PCDH9: variants seen among roughly 807,000 people sequenced by gnomAD.
The protein encoded by PCDH9 is protocadherin 9.
In PCDH9, 24 loss-of-function variants were observed where a neutral mutation model predicts 70.6. That is an observed-to-expected ratio of 0.34 (90% CI 0.25 to 0.48). The LOEUF (loss-of-function observed/expected upper bound fraction) is 0.48. Ranked by LOEUF, PCDH9 falls within the 20% of genes least tolerant of loss-of-function variation. PCDH9 has a pLI of 0.99. For missense variants in PCDH9, 1,281 were observed against 1,503.6 expected (o/e 0.85, Z 2.45); for synonymous variants, 562 against 558.5 (o/e 1.01, Z -0.09).
rs1328436866 is a variant in PCDH9 at position 66,596,877 on chromosome 13, CT to C, written c.3340+34332del. On this transcript the variant is annotated intron_variant, in intron 4 of 4. Coordinates refer to ENST00000377865, the MANE Select transcript of PCDH9 (RefSeq NM_203487.3). The stretch of plus-strand genomic sequence containing the variant: ...TGTGCTGTAGCAGAACATGGCTATT[CT>C]TTTTTTTTTTTTATTCTAAAAAGTT... Among the ~76,000 whole-genome samples, 946 of 136,284 alleles carry C rather than the reference CT, an allele frequency of 6.9e-3. 3 individuals carry two copies. Among genetic ancestry groups the C allele is most frequent in the East Asian group, 0.034 (159 of 4,654 alleles). The allele number at this position is 136,284 out of a possible 152,430, so 89.4% of individuals were successfully genotyped here. A position where few individuals can be genotyped will look rare whatever the true frequency, so the allele number is the denominator to read the frequency against.
chr13:66,823,281 T>C (rs1170625769), intron 3 of PCDH9, among the ~76,000 whole-genome samples: 1 of 151,990 alleles, frequency 6.6e-6, no homozygotes, highest in Non-Finnish European at 1.5e-5. Context: ...AGTGTAAGAA[T>C]TGCCTTTTTG....
chr13:66,871,680 C>T (rs1360857744), intron 3 of PCDH9, among the ~76,000 whole-genome samples: 3 of 152,066 alleles, frequency 2.0e-5, no homozygotes, highest in African/African-American at 7.2e-5. Context: ...TTCTACCGTA[C>T]ATGTATGGCA....
intron 4 of PCDH9, among the ~76,000 whole-genome samples, chr13:66,370,912 A>G (rs1271357517): frequency 2.0e-5 from 3 of 152,122 alleles, no homozygotes. Flanking sequence ...TTTGAATTTA[A>G]GAATTAAAGT....
intron 2 of PCDH9, among the ~76,000 whole-genome samples, chr13:67,110,207 A>AAAAAAAC (rs1555308217): frequency 2.6e-5 from 4 of 151,994 alleles, no homozygotes; most frequent in Admixed American, 2.6e-4. Context: ...AAAATTTAAA[A>AAAAAAAC]AAAAAACAAA....
intron 2 of PCDH9, among the ~76,000 whole-genome samples, chr13:67,058,955 T>A (rs1243039328): frequency 3.9e-5 from 6 of 152,086 alleles, no homozygotes; most frequent in African/African-American, 1.4e-4. Context: ...GGCATTTTAG[T>A]AGATAACCAC....
At chr13:67,087,135 T>C (rs939209821) in intron 2 of PCDH9, among the ~76,000 whole-genome samples, 1 of 151,144 alleles carries the variant, frequency 6.6e-6, no homozygotes, top group Non-Finnish European at 1.5e-5. Flanking sequence ...ACAGTTGTAA[T>C]TTTCCCCATT....
At chr13:66,559,845 C>CACAA (rs1961930735) in intron 4 of PCDH9, among the ~76,000 whole-genome samples, 1 of 144,148 alleles carries the variant, frequency 6.9e-6, no homozygotes, top group African/African-American at 2.6e-5. Flanking sequence ...CACACACACA[C>CACAA]ACACACACAC....
intron 2 of PCDH9, among the ~76,000 whole-genome samples, chr13:67,093,985 C>A (rs923857414): frequency 6.6e-6 from 1 of 152,234 alleles, no homozygotes; most frequent in South Asian, 2.1e-4. Flanking sequence ...GAATTTTCTA[C>A]TCTTCTTTTC....
chr13:66,547,867 A>G (rs928583331), intron 4 of PCDH9, among the ~76,000 whole-genome samples: 5 of 146,706 alleles, frequency 3.4e-5, no homozygotes, highest in African/African-American at 1.2e-4. Flanking sequence ...TAATTATATT[A>G]TTATATAATA....
intron 4 of PCDH9, among the ~76,000 whole-genome samples, chr13:66,484,887 T>A (rs953996377): frequency 2.0e-5 from 3 of 152,212 alleles, no homozygotes; most frequent in African/African-American, 7.2e-5. Context: ...TAAGAGTGCT[T>A]TGTAAAATGA....
chr13:66,437,765 A>G (rs939986543), intron 4 of PCDH9, among the ~76,000 whole-genome samples: 7 of 152,078 alleles, frequency 4.6e-5, no homozygotes, highest in African/African-American at 1.7e-4. Context: ...AAAAAAATGC[A>G]TGTCTTATGC....
intron 2 of PCDH9, among the ~76,000 whole-genome samples, chr13:67,173,059 T>C (rs896056120): frequency 2.0e-5 from 3 of 152,090 alleles, no homozygotes; most frequent in African/African-American, 7.2e-5. Context: ...GGAACTCTGT[T>C]TCTTACAGCT....
In PCDH9 at chr13:66,596,439, C is replaced by T. The variant is rs1322620822; in HGVS notation, c.3340+34771G>A. On this transcript the variant is annotated intron_variant, in intron 4 of 4. Transcript: ENST00000377865. ...GCTTGTGTGCATATAAATGCATATT[C>T]ACACAAGTATATAAGAATGCATGTA... is the stretch of plus-strand genomic sequence containing the variant. Among the ~76,000 whole-genome samples the T allele has an allele frequency of 2.6e-5, 4 of 151,748 alleles. No individual in the cohort carries two copies. The East Asian group carries it at 7.8e-4, about 30-fold the overall frequency.
At chr13:66,595,199 T>C (rs2077087878) in intron 4 of PCDH9, among the ~76,000 whole-genome samples, 1 of 149,402 alleles carries the variant, frequency 6.7e-6, no homozygotes, top group Admixed American at 6.7e-5. Flanking sequence ...AGAGAAAGCA[T>C]TTTTTTTTCC....
At chr13:66,549,220 G>A in intron 4 of PCDH9, among the ~76,000 whole-genome samples, 1 of 152,082 alleles carries the variant, frequency 6.6e-6, no homozygotes, top group East Asian at 1.9e-4. Flanking sequence ...TAAACCGTAT[G>A]TATATGTTAG....
intron 3 of PCDH9, among the ~76,000 whole-genome samples, chr13:66,862,684 G>C (rs1014304004): frequency 6.6e-6 from 1 of 152,096 alleles, no homozygotes; most frequent in African/African-American, 2.4e-5. Flanking sequence ...CTAAGGAAAT[G>C]AAGTCCATTT....
At chr13:66,961,562 G>A (rs1162878225) in intron 2 of PCDH9, among the ~76,000 whole-genome samples, 1 of 152,172 alleles carries the variant, frequency 6.6e-6, no homozygotes, top group African/African-American at 2.4e-5. Context: ...GGAAGACTGA[G>A]GTGAGGGGGT....
intron 4 of PCDH9, among the ~76,000 whole-genome samples, chr13:66,372,257 A>C (rs1186109874): frequency 6.6e-6 from 1 of 151,968 alleles, no homozygotes; most frequent in Non-Finnish European, 1.5e-5. Context: ...ATTCCATAGA[A>C]GAAAAATCAA....
At chr13:66,724,682 C>G (rs974348757) in intron 3 of PCDH9, among the ~76,000 whole-genome samples, 4 of 152,134 alleles carry the variant, frequency 2.6e-5, no homozygotes, top group African/African-American at 9.7e-5. Context: ...AACTCCAGAC[C>G]AAACAGAGAG....
Sources: gnomAD v4.1 joint callset for allele counts (sites outside exome capture counted in the v4.1 genomes callset) on GRCh38, gnomAD v4.1.1 for gene constraint, MANE v1.5 for transcripts, NCBI Gene and HGNC (gene_info 2026-07-23, HGNC 2026-07-21) for gene names.